TMEFF2: variants seen among roughly 807,000 people sequenced by gnomAD.
The protein encoded by TMEFF2 is tomoregulin-2.
In TMEFF2, 28 loss-of-function variants were observed where a neutral mutation model predicts 53.8. That is an observed-to-expected ratio of 0.52 (90% CI 0.39 to 0.71). The LOEUF (loss-of-function observed/expected upper bound fraction) is 0.71, where lower values mean the gene tolerates loss of function less well. Among genes scored for constraint, TMEFF2 ranks in the 30% least tolerant of loss-of-function variants. The pLI is 0.00. For synonymous variants in TMEFF2, 162 were observed against 166.3 expected, an observed-to-expected ratio of 0.97 and a Z score of 0.20; for missense variants, 353 against 455.2, an observed-to-expected ratio of 0.78 and a Z score of 2.04.
At chr2:191,950,920 A>G (rs190221355) in intron 9 of TMEFF2, among the ~76,000 whole-genome samples, 78 of 152,318 alleles carry the variant, frequency 5.1e-4, no homozygotes, top group Middle Eastern at 3.4e-3. Context: ...ACTAGTATAA[A>G]TTAGGGACAT....
At chr2:191,964,647 C>G (rs1002287811) in intron 7 of TMEFF2, among the ~76,000 whole-genome samples, 2 of 151,910 alleles carry the variant, frequency 1.3e-5, no homozygotes, top group Non-Finnish European at 2.9e-5. Flanking sequence ...ATCCATGTCC[C>G]TTGGTAGACC....
chr2:192,003,173 A>G lies in TMEFF2; in HGVS notation c.537-3965T>C, dbSNP rs1686409922. Among the ~76,000 whole-genome samples the G allele has an allele frequency of 2.0e-5, 3 of 152,216 alleles. No individual in the cohort carries two copies. The South Asian group carries it at 6.2e-4, about 32-fold the overall frequency. On this transcript the variant is annotated intron_variant, in intron 5 of 9. Transcript: ENST00000272771. ...GCTAAATGAAATGAATGAATACACT[A>G]ACAATTTTACATTCTTAAAGAAAGG...
chr2:192,018,942 CATATTA>C (rs1219486830), intron 5 of TMEFF2, among the ~76,000 whole-genome samples: 1 of 151,914 alleles, frequency 6.6e-6, no homozygotes, highest in African/African-American at 2.4e-5. Flanking sequence ...TAGCCACAAT[CATATTA>C]ATATTATTAT....
At chr2:192,117,004 C>T (rs1341186899) in intron 4 of TMEFF2, among the ~76,000 whole-genome samples, 1 of 152,028 alleles carries the variant, frequency 6.6e-6, no homozygotes, top group Non-Finnish European at 1.5e-5. Flanking sequence ...TGTTATCTAA[C>T]AGCACCATTT....
chr2:192,064,510 C>G (rs1394012172), intron 4 of TMEFF2, among the ~76,000 whole-genome samples: 2 of 151,786 alleles, frequency 1.3e-5, no homozygotes, highest in Admixed American at 1.3e-4. Flanking sequence ...CTGTATTTGC[C>G]TTAACTTTTC....
chr2:191,964,691 C>T (rs769221074), intron 7 of TMEFF2, among the ~76,000 whole-genome samples: 8 of 152,098 alleles, frequency 5.3e-5, no homozygotes, highest in Non-Finnish European at 7.4e-5. Flanking sequence ...GTGAAACTTA[C>T]AAGTGTTGTC....
intron 4 of TMEFF2, among the ~76,000 whole-genome samples, chr2:192,058,135 T>G (rs978515098): frequency 2.6e-5 from 4 of 152,238 alleles, no homozygotes; most frequent in Non-Finnish European, 5.9e-5. Flanking sequence ...ACTGTCTATT[T>G]TACTGAAACA....
chr2:192,116,762 T>G (rs957181190), intron 4 of TMEFF2, among the ~76,000 whole-genome samples: 2 of 152,052 alleles, frequency 1.3e-5, no homozygotes, highest in Admixed American at 1.3e-4. Flanking sequence ...TTAGAAATCT[T>G]TTTATATAAA....
At chr2:192,054,575 A>C (rs1377823309) in intron 5 of TMEFF2, among the ~76,000 whole-genome samples, 1 of 152,096 alleles carries the variant, frequency 6.6e-6, no homozygotes, top group African/African-American at 2.4e-5. Flanking sequence ...TACCAGGATT[A>C]ACCCCCTGCT....
chr2:191,954,020 TG>T (rs1414249624), intron 8 of TMEFF2, among the ~76,000 whole-genome samples, 183 bp from the exon 9 acceptor site: 2 of 150,744 alleles, frequency 1.3e-5, no homozygotes, highest in African/African-American at 4.9e-5. Flanking sequence ...CCCGAGTAGC[TG>T]GGACTACAGG....
intron 5 of TMEFF2, among the ~76,000 whole-genome samples, chr2:192,008,599 T>G (rs1465481912): frequency 6.6e-6 from 1 of 152,170 alleles, no homozygotes; most frequent in Non-Finnish European, 1.5e-5. Context: ...TCCGACTGGA[T>G]GGGTCTTTAT....
chr2:191,982,131 TCTA>T (rs1685866498), intron 7 of TMEFF2, among the ~76,000 whole-genome samples: 1 of 3,852 alleles, frequency 2.6e-4, no homozygotes, highest in Non-Finnish European at 7.2e-3. Context: ...TTTTCAGGAT[TCTA>T]CCATATCCAT....
At chr2:192,120,216 C>A (rs1689516822) in intron 4 of TMEFF2, among the ~76,000 whole-genome samples, 1 of 152,144 alleles carries the variant, frequency 6.6e-6, no homozygotes, top group African/African-American at 2.4e-5. Flanking sequence ...ACCACTACAA[C>A]CCTGACTGAA....
intron 7 of TMEFF2, among the ~76,000 whole-genome samples, chr2:191,983,854 A>C (rs1010745156): frequency 2.0e-5 from 3 of 152,248 alleles, no homozygotes; most frequent in African/African-American, 7.2e-5. Flanking sequence ...TTTCTGATTC[A>C]AATCAATTCA....
At chr2:192,102,474 C>A (rs1270627491) in intron 4 of TMEFF2, among the ~76,000 whole-genome samples, 3 of 152,076 alleles carry the variant, frequency 2.0e-5, no homozygotes, top group Non-Finnish European at 4.4e-5. Context: ...CCTACTCTAG[C>A]CTTCTTGCAA....
chr2:192,184,840 A>G (rs1047992239), intron 2 of TMEFF2, among the ~76,000 whole-genome samples: 1 of 152,126 alleles, frequency 6.6e-6, no homozygotes, highest in African/African-American at 2.4e-5. Context: ...AAATTAAAAT[A>G]CAGTTTAATT....
intron 4 of TMEFF2, among the ~76,000 whole-genome samples, chr2:192,158,566 A>G (rs942616511): frequency 6.6e-6 from 1 of 152,116 alleles, no homozygotes; most frequent in African/African-American, 2.4e-5. Flanking sequence ...AAAATTACCC[A>G]TGGTTACACT....
intron 4 of TMEFF2, among the ~76,000 whole-genome samples, chr2:192,067,747 G>A (rs1460097658): frequency 6.6e-6 from 1 of 151,834 alleles, no homozygotes; most frequent in Non-Finnish European, 1.5e-5. Context: ...ATTGCCAATT[G>A]AGTTAACTTT....
chr2:192,191,742 T>C (rs1691465520), intron 2 of TMEFF2, 138 bp downstream of exon 2: 2 of 595,568 alleles, frequency 3.4e-6, no homozygotes, highest in African/African-American at 3.7e-5. Flanking sequence ...GTTGGCTCTC[T>C]TGCTAGTACT....
Sources: allele counts gnomAD v4.1 joint callset (sites outside exome capture counted in the v4.1 genomes callset), GRCh38; gene constraint gnomAD v4.1.1; transcripts MANE v1.5; gene names NCBI Gene and HGNC (gene_info 2026-07-23, HGNC 2026-07-21).